FLAD1: variants seen among roughly 807,000 people sequenced by gnomAD.
The protein encoded by FLAD1 is flavin adenine dinucleotide synthetase 1, also known as bifunctional FAD diphosphatase/FAD synthase.
In FLAD1, 35 loss-of-function variants were observed where a neutral mutation model predicts 55.0. The observed-to-expected ratio is 0.64, with a 90% CI of 0.49 to 0.84. FLAD1 has a LOEUF of 0.84. Ranked by LOEUF, FLAD1 falls within the 40% of genes least tolerant of loss-of-function variation. The pLI is 0.00. For missense variants in FLAD1, 665 were observed against 742.6 expected (o/e 0.90, Z 1.21); for synonymous variants, 267 against 303.0 (o/e 0.88, Z 1.23).
In FLAD1 at chr1:154,992,706, C is replaced by T; in HGVS notation, c.1555-7C>T. ...TTTGTGACTATTCTATTACTCTGAC[C>T]TCCCAGGACTGGACCTACAGAGACA... is the stretch of plus-strand genomic sequence containing the variant. On this transcript the variant is annotated splice_polypyrimidine_tract_variant and splice_region_variant and intron_variant, in intron 5 of 6. Transcript: ENST00000292180. 6.2e-7 allele frequency: 1 copy of T among 1,614,168 alleles called. No individual in the cohort carries two copies. The highest frequency in any genetic ancestry group is 8.5e-7 in the Non-Finnish European group (1 of 1,180,028).
rs1657726294 is a variant in FLAD1 at position 154,988,591 on chromosome 1, G to C, written c.859G>C (p.Ala287Pro). ...VQFHSKELYV[A>P]ADEASIAPIL... ...GTTCCACTCAAAGGAGCTATATGTG[G>C]CTGCTGATGAAGCCTCCATCGCCCC... The change falls in exon 2 of 7, where the codon GCT (alanine) becomes CCT (proline). Residue 287 changes from alanine to proline, a missense_variant. By Grantham distance (27) the Ala-to-Pro change is conservative. Coordinates refer to ENST00000292180, the MANE Select transcript of FLAD1 (RefSeq NM_025207.5). 6 of 1,614,120 alleles carry C rather than the reference G, an allele frequency of 3.7e-6. No homozygotes were observed. Among genetic ancestry groups the C allele is most frequent in the Non-Finnish European group, 5.1e-6 (6 of 1,180,052 alleles).
At chr1:154,987,754 T>C in intron 1 of FLAD1, 1 of 428,160 alleles carries the variant, frequency 2.3e-6, no homozygotes, top group Non-Finnish European at 4.2e-6. Flanking sequence ...CTGGGCAACA[T>C]GGCAAGACCC....
Position 154,990,450 on chromosome 1 carries a change from C to T in FLAD1, c.1476C>T (p.Asp492=), listed in dbSNP as rs1320954577. Residue 492 remains aspartate (D), a synonymous_variant, in exon 5 of 7, where the codon GAC becomes GAT. Coordinates refer to ENST00000292180, the MANE Select transcript of FLAD1 (RefSeq NM_025207.5). ...EAVLMGTRRT[D]PYSCSLCPFS... is the part of the protein sequence containing the mutation. ...TCCTTATGGGCACCCGCCGGACTGA[C>T]CCCTACTCCTGTAGCCTCTGCCCTT... 12 of 1,614,078 alleles carry T rather than the reference C, an allele frequency of 7.4e-6. No individual in the cohort carries two copies. Among genetic ancestry groups the T allele is most frequent in the African/African-American group, 1.3e-5 (1 of 74,934 alleles).
At position 154,983,559 on chromosome 1, in the gene FLAD1, T is replaced by G; in HGVS notation, c.-136T>G. 2.3e-6 allele frequency: 2 copies of G among 875,614 alleles called. No individual in the cohort carries two copies. The highest frequency in any genetic ancestry group is 3.5e-6 in the Non-Finnish European group (2 of 573,082). The allele number at this position is 875,614 out of a possible 1,614,324, so 54.2% of individuals were successfully genotyped here. A position where few individuals can be genotyped will look rare whatever the true frequency, so the allele number is the denominator to read the frequency against. On this transcript the variant is annotated 5_prime_UTR_variant, in exon 1 of 7. Coordinates refer to ENST00000292180, the MANE Select transcript of FLAD1 (RefSeq NM_025207.5). ...CAAGGCCCAGGATAAGGTAGACATT[T>G]AAAGGGGTACGGATGCCCAAGGTAG...
At chr1:154,985,404 CTT>C (rs112698790) in intron 1 of FLAD1, among the ~76,000 whole-genome samples, 11 of 137,214 alleles carry the variant, frequency 8.0e-5, no homozygotes, top group Non-Finnish European at 9.6e-5. Context: ...TTAATAGACC[CTT>C]TTTTTTTTTT....
In FLAD1 at chr1:154,985,716, ATTT is replaced by A. The variant is rs34387427; in HGVS notation, c.372+1674_372+1676del. 6.3e-3 allele frequency among the ~76,000 whole-genome samples: 479 copies of A among 75,466 alleles called. 3 individuals are homozygous for A. The highest frequency in any genetic ancestry group is 0.025 in the African/African-American group (463 of 18,492). 49.5% of individuals were successfully genotyped at this position (75,466 alleles called of 152,430 possible). On this transcript the variant is annotated intron_variant, in intron 1 of 6. Transcript: ENST00000292180. The stretch of plus-strand genomic sequence containing the variant: ...GCCACCTCACCTGGCCCTGACCCCA[ATTT>A]TTTTTTTTTTTTTTTTTTTTTTTGA...
rs1657779745 is a variant in FLAD1 at position 154,989,687 on chromosome 1, C to G, written c.1245C>G (p.Leu415=). ...GGKDCTALLH[L]FHAAVQRKLP... Reference sequence around the variant, plus strand: ...AAGACTGCACTGCCCTCCTGCACCTCTTCCATGCAGCTGTGCAGAGGTGAG... The same window carrying G: ...AAGACTGCACTGCCCTCCTGCACCTGTTCCATGCAGCTGTGCAGAGGTGAG... The change falls in exon 3 of 7, where the codon CTC becomes CTG. Residue 415 remains leucine (L), a synonymous_variant. Coordinates refer to ENST00000292180, the MANE Select transcript of FLAD1 (RefSeq NM_025207.5). The G allele has an allele frequency of 6.4e-7, 1 of 1,563,234 alleles. No individual in the cohort carries two copies. The highest frequency in any genetic ancestry group is 1.9e-5 in the Admixed American group (1 of 53,450).
At chr1:154,989,129 A>G (rs1209701232) in intron 2 of FLAD1, 1 of 710,690 alleles carries the variant, frequency 1.4e-6, no homozygotes, top group African/African-American at 1.8e-5. Context: ...GTGATCCTGC[A>G]TGGGGTGATG....
Position 154,988,770 on chromosome 1 carries a change from G to A in FLAD1, c.1038G>A (p.Leu346=). 1.2e-6 allele frequency: 2 copies of A among 1,614,188 alleles called. No individual in the cohort carries two copies. Among genetic ancestry groups the A allele is most frequent in the Middle Eastern group, 1.6e-4 (1 of 6,062 alleles). Reference sequence around the variant, plus strand: ...GCTTGGCCTACCTGACTGCCCGTTTGCCCCAGGGATCGCTGGTCCCCTACA... The same window carrying A: ...GCTTGGCCTACCTGACTGCCCGTTTACCCCAGGGATCGCTGGTCCCCTACA... ...EECLAYLTAR[L]PQGSLVPYMP... Residue 346 remains leucine, a synonymous_variant, in exon 2 of 7, where the codon TTG becomes TTA. Transcript: ENST00000292180.
At chr1:154,990,633 G>A (rs1553254567) in intron 5 of FLAD1, 105 bp downstream of exon 5, 2 of 1,141,590 alleles carry the variant, frequency 1.8e-6, no homozygotes, top group East Asian at 2.6e-5. Flanking sequence ...GAACCTGGAT[G>A]AAGGGGCCTC....
At position 154,992,804 on chromosome 1, in the gene FLAD1, A is replaced by G. The variant is rs1657939011; in HGVS notation, c.1628+18A>G. 1.2e-6 allele frequency: 2 copies of G among 1,614,176 alleles called. No individual in the cohort carries two copies. Among genetic ancestry groups the G allele is most frequent in the South Asian group, 2.2e-5 (2 of 91,088 alleles). ...GACCGAGGGTAAGGGTATTAGGGGA[A>G]GGGAATGGGTAAGGGAGTTTTTAGG... On this transcript the variant is annotated intron_variant, in intron 6 of 6. Coordinates refer to ENST00000292180, the MANE Select transcript of FLAD1 (RefSeq NM_025207.5).
chr1:154,985,229 G>GT lies in FLAD1; in HGVS notation c.372+1171dup, dbSNP rs200106951. 8.8e-3 allele frequency among the ~76,000 whole-genome samples: 1,137 copies of GT among 129,384 alleles called. 7 individuals are homozygous for GT. Among genetic ancestry groups the GT allele is most frequent in the Admixed American group, 0.015 (209 of 13,628 alleles). The allele number at this position is 129,384 out of a possible 152,430, so 84.9% of individuals were successfully genotyped here. Reference sequence around the variant, plus strand: ...TTCTTTGTAAATTTGTGTTTTTTTTGTTTTTTTTGTTTTTTTTTTTTAGAT... The same window carrying GT: ...TTCTTTGTAAATTTGTGTTTTTTTTGTTTTTTTTTGTTTTTTTTTTTTAGAT... On this transcript the variant is annotated intron_variant, in intron 1 of 6. Transcript: ENST00000292180.
In FLAD1 at chr1:154,983,554, A is replaced by T; in HGVS notation, c.-141A>T. ...AGGGCCAAGGCCCAGGATAAGGTAG[A>T]CATTTAAAGGGGTACGGATGCCCAA... On this transcript the variant is annotated 5_prime_UTR_variant, in exon 1 of 7. Coordinates refer to ENST00000292180, the MANE Select transcript of FLAD1 (RefSeq NM_025207.5). 1 of 810,198 alleles carries T rather than the reference A, an allele frequency of 1.2e-6. No individual in the cohort carries two copies. The highest frequency in any genetic ancestry group is 1.9e-6 in the Non-Finnish European group (1 of 517,628). The allele number at this position is 810,198 out of a possible 1,614,324, so 50.2% of individuals were successfully genotyped here. A position where few individuals can be genotyped will look rare whatever the true frequency, so the allele number is the denominator to read the frequency against.
intron 5 of FLAD1, among the ~76,000 whole-genome samples, chr1:154,991,977 C>T (rs1345438246): frequency 1.3e-5 from 2 of 151,058 alleles, no homozygotes; most frequent in Non-Finnish European, 2.9e-5. Context: ...CCCATCTCTA[C>T]TAAAAAAATA....
Position 154,990,429 on chromosome 1 carries a change from T to TA in FLAD1, c.1456dup (p.Met486AsnfsTer7). 6.2e-7 allele frequency: 1 copy of TA among 1,614,132 alleles called. No homozygotes were observed. The highest frequency in any genetic ancestry group is 1.1e-5 in the South Asian group (1 of 91,084). ...GGCACCCCCAGCTGGAGGCTGTCCT[T>TA]ATGGGCACCCGCCGGACTGACCCCT... On this transcript the variant is annotated frameshift_variant, in exon 5 of 7. Coordinates refer to ENST00000292180, the MANE Select transcript of FLAD1 (RefSeq NM_025207.5). LOFTEE classifies it high-confidence loss of function.
At position 154,992,964 on chromosome 1, in the gene FLAD1, CAGG is replaced by C. The variant is rs1286139355; in HGVS notation, c.1696_1698del (p.Gly566del). 3.1e-6 allele frequency: 5 copies of C among 1,613,916 alleles called. No individual in the cohort carries two copies. The highest frequency in any genetic ancestry group is 4.2e-6 in the Non-Finnish European group (5 of 1,180,004). ...AACCCGGCCCTGAAGTGCCTGAGCC[CAGG>C]AGGACACCCCACATACCGTCCAGCC... is the stretch of plus-strand genomic sequence containing the variant. On this transcript the variant is annotated inframe_deletion, in exon 7 of 7. Transcript: ENST00000292180.
intron 5 of FLAD1, chr1:154,992,437 C>T (rs956325084): frequency 2.1e-5 from 17 of 822,682 alleles, no homozygotes; most frequent in African/African-American, 3.8e-5. Context: ...AGCCAGACTC[C>T]GTCTCAAAAA....
chr1:154,992,426 G>C (rs1657919145), intron 5 of FLAD1: 1 of 752,274 alleles, frequency 1.3e-6, no homozygotes, highest in Admixed American at 2.5e-5. Flanking sequence ...CTGGGCGACA[G>C]AGCCAGACTC....
At position 154,988,598 on chromosome 1, in the gene FLAD1, A is replaced by C. The variant is rs1657726653; in HGVS notation, c.866A>C (p.Asp289Ala). ...FHSKELYVAA[D>A]EASIAPILAE... The stretch of plus-strand genomic sequence containing the variant: ...TCAAAGGAGCTATATGTGGCTGCTG[A>C]TGAAGCCTCCATCGCCCCCATTCTG... Residue 289 changes from aspartate (D) to alanine (A), a missense_variant, in exon 2 of 7, where the codon GAT becomes GCT. Asp to Ala is a moderately radical substitution (Grantham distance 126, BLOSUM62 -2). Coordinates refer to ENST00000292180, the MANE Select transcript of FLAD1 (RefSeq NM_025207.5). The C allele has an allele frequency of 6.2e-7, 1 of 1,614,212 alleles. No homozygotes were observed. Among genetic ancestry groups the C allele is most frequent in the Non-Finnish European group, 8.5e-7 (1 of 1,180,044 alleles).
Sources: gnomAD v4.1 joint callset for allele counts (sites outside exome capture counted in the v4.1 genomes callset) on GRCh38, gnomAD v4.1.1 for gene constraint, MANE v1.5 for transcripts, NCBI Gene and HGNC (gene_info 2026-07-23, HGNC 2026-07-21) for gene names.